CDH20: variants seen among roughly 807,000 people sequenced by gnomAD.
The protein encoded by CDH20 is cadherin-20.
A neutral mutation model predicts 74.2 loss-of-function variants in CDH20; 29 were observed. The observed-to-expected ratio is 0.39, with a 90% CI of 0.29 to 0.53. The LOEUF (loss-of-function observed/expected upper bound fraction) is 0.53. CDH20 is among the 20% of genes least tolerant of loss of function. The probability of loss-of-function intolerance (pLI) is 0.69; values close to 1 mark genes in which losing one functional copy is unlikely to be tolerated. For missense variants in CDH20, 988 were observed against 1,048.3 expected (o/e 0.94, Z 0.79); for synonymous variants, 469 against 405.4 (o/e 1.16, Z -1.88).
intron 1 of CDH20, among the ~76,000 whole-genome samples, chr18:61,366,045 C>A (rs1910847504): frequency 6.6e-6 from 1 of 152,110 alleles, no homozygotes; most frequent in Non-Finnish European, 1.5e-5. Flanking sequence ...TTTTCATATG[C>A]ATTATCTAAT....
At chr18:61,457,057 G>T (rs1909596262) in intron 1 of CDH20, among the ~76,000 whole-genome samples, 1 of 152,122 alleles carries the variant, frequency 6.6e-6, no homozygotes, top group Non-Finnish European at 1.5e-5. Flanking sequence ...ATTTCTGGTA[G>T]AACTTTTTCC....
At chr18:61,380,533 G>A (rs1911398270) in intron 1 of CDH20, among the ~76,000 whole-genome samples, 1 of 152,180 alleles carries the variant, frequency 6.6e-6, no homozygotes, top group African/African-American at 2.4e-5. Flanking sequence ...AAGACAACCG[G>A]GCACAGTGGC....
chr18:61,441,910 A>C (rs1909045656), intron 1 of CDH20, among the ~76,000 whole-genome samples: 1 of 152,004 alleles, frequency 6.6e-6, no homozygotes, highest in African/African-American at 2.4e-5. Flanking sequence ...TGTGTTCTCT[A>C]CCCGCATGTC....
intron 9 of CDH20, among the ~76,000 whole-genome samples, chr18:61,544,235 G>C (rs1448901848): frequency 6.6e-6 from 1 of 152,234 alleles, no homozygotes; most frequent in African/African-American, 2.4e-5. Context: ...GGCAGGTGCA[G>C]AAGCCATGGG....
intron 1 of CDH20, among the ~76,000 whole-genome samples, chr18:61,462,370 C>T (rs183856467): frequency 6.6e-6 from 1 of 152,220 alleles, no homozygotes; most frequent in Admixed American, 6.5e-5. Flanking sequence ...TGCCTTCAGA[C>T]CCTATTCTCC....
intron 1 of CDH20, among the ~76,000 whole-genome samples, chr18:61,462,473 A>G (rs1229928565): frequency 6.6e-6 from 1 of 152,120 alleles, no homozygotes; most frequent in Non-Finnish European, 1.5e-5. Context: ...GGCCACAGTC[A>G]TAGGTACTAG....
chr18:61,549,897 GC>G, intron 10 of CDH20, 80 bp from the exon 11 acceptor site: 1 of 1,430,326 alleles, frequency 7.0e-7, no homozygotes. Flanking sequence ...CCTACACCCT[GC>G]CCCTGCCCCC....
At chr18:61,450,888 T>TTA (rs1215018620) in intron 1 of CDH20, among the ~76,000 whole-genome samples, 2 of 152,078 alleles carry the variant, frequency 1.3e-5, no homozygotes, top group Admixed American at 1.3e-4. Flanking sequence ...TGGTGAACAC[T>TTA]TACATTTTTT....
At chr18:61,449,511 G>A (rs779420194) in intron 1 of CDH20, among the ~76,000 whole-genome samples, 2 of 151,992 alleles carry the variant, frequency 1.3e-5, no homozygotes, top group Non-Finnish European at 2.9e-5. Context: ...GTTGGCATCC[G>A]ATAGCCATGT....
chr18:61,378,963 T>C (rs1911341366), intron 1 of CDH20, among the ~76,000 whole-genome samples: 1 of 151,988 alleles, frequency 6.6e-6, no homozygotes. Flanking sequence ...AATTAAATGG[T>C]GGCCTTTTTC....
chr18:61,433,588 A>G (rs1794549690), intron 1 of CDH20, among the ~76,000 whole-genome samples: 2 of 152,150 alleles, frequency 1.3e-5, no homozygotes, highest in African/African-American at 2.4e-5. Context: ...CCTTGCTTTC[A>G]TAAACACCAG....
intron 1 of CDH20, among the ~76,000 whole-genome samples, chr18:61,441,463 A>G (rs2144318636): frequency 6.6e-6 from 1 of 152,346 alleles, no homozygotes; most frequent in Non-Finnish European, 1.5e-5. Flanking sequence ...CACCAAATTA[A>G]GGGACTGGAG....
At chr18:61,523,757 A>G (rs984196168) in intron 6 of CDH20, among the ~76,000 whole-genome samples, 1 of 152,324 alleles carries the variant, frequency 6.6e-6, no homozygotes, top group African/African-American at 2.4e-5. Context: ...GGAGGAGTTC[A>G]TGTCCTTTTC....
intron 1 of CDH20, among the ~76,000 whole-genome samples, chr18:61,445,623 A>G (rs1909173702): frequency 6.6e-6 from 1 of 152,216 alleles, no homozygotes; most frequent in Non-Finnish European, 1.5e-5. Flanking sequence ...GATTATTCAA[A>G]GTCCAACACT....
Position 61,545,105 on chromosome 18 carries a change from G to C in CDH20, c.1609G>C (p.Ala537Pro). The change falls in exon 10 of 12, where the codon GCT (alanine) becomes CCT (proline). Residue 537 changes from alanine (A) to proline (P), a missense_variant. Ala to Pro is a conservative substitution (Grantham distance 27, BLOSUM62 -1). Transcript: ENST00000262717. ...QHFYYSLAPEAANNPNFTIRD... is the reference protein window; with the variant it reads ...QHFYYSLAPEPANNPNFTIRD... ...TTTCTACTACAGCTTGGCTCCTGAG[G>C]CTGCTAACAACCCCAACTTTACCAT... 6.2e-7 allele frequency: 1 copy of C among 1,613,764 alleles called. No individual in the cohort carries two copies. The highest frequency in any genetic ancestry group is 8.5e-7 in the Non-Finnish European group (1 of 1,179,760).
At chr18:61,483,071 C>G (rs1418814981) in intron 1 of CDH20, among the ~76,000 whole-genome samples, 1 of 152,098 alleles carries the variant, frequency 6.6e-6, no homozygotes, top group African/African-American at 2.4e-5. Context: ...TTTTCAGGGT[C>G]TAGTTCATAT....
chr18:61,543,988 C>T (rs1036726061), intron 9 of CDH20, among the ~76,000 whole-genome samples: 3 of 152,286 alleles, frequency 2.0e-5, no homozygotes, highest in African/African-American at 4.8e-5. Context: ...AACGGCTGGC[C>T]GTGGTGGAAG....
chr18:61,395,173 G>GAGAGTATCTGTGGTAA (rs1911923164), intron 1 of CDH20, among the ~76,000 whole-genome samples: 1 of 152,100 alleles, frequency 6.6e-6, no homozygotes, highest in Non-Finnish European at 1.5e-5. Flanking sequence ...CACAGATACT[G>GAGAGTATCTGTGGTAA]AGAGAAAAGT....
Position 61,490,790 on chromosome 18 carries a change from T to G in CDH20, c.237T>G (p.Tyr79Ter). 6.2e-7 allele frequency: 1 copy of G among 1,614,044 alleles called. No individual in the cohort carries two copies. The highest frequency in any genetic ancestry group is 8.5e-7 in the Non-Finnish European group (1 of 1,179,906). The change falls in exon 2 of 12, where the codon TAT becomes TAG. Residue 79 changes from tyrosine to a stop codon, truncating the protein, a stop_gained. Transcript: ENST00000262717. LOFTEE classifies it high-confidence loss of function. ...LEEYTGTDPL[Y>*]VGKLHSDMDR... Reference sequence around the variant, plus strand: ...AGTACACTGGGACCGACCCTTTGTATGTCGGCAAGGTAAGAAATGCCAAGT... The same window carrying G: ...AGTACACTGGGACCGACCCTTTGTAGGTCGGCAAGGTAAGAAATGCCAAGT...
Sources: gnomAD v4.1 joint callset for allele counts (sites outside exome capture counted in the v4.1 genomes callset) on GRCh38, gnomAD v4.1.1 for gene constraint, MANE v1.5 for transcripts, NCBI Gene and HGNC (gene_info 2026-07-23, HGNC 2026-07-21) for gene names.